Variants in TLE1 observed in about 807,000 individuals in gnomAD.
The protein encoded by TLE1 is TLE family member 1, transcriptional corepressor.
Under a neutral mutation model 89.8 loss-of-function variants are expected in TLE1, and 21 were observed. The observed-to-expected ratio is 0.23, with a 90% confidence interval of 0.17 to 0.34. The LOEUF is 0.34. Ranked by LOEUF, TLE1 falls within the 10% of genes least tolerant of loss-of-function variation. The pLI, the probability that TLE1 is intolerant of heterozygous loss-of-function variation, is 1.00. For synonymous variants in TLE1, 447 were observed against 407.6 expected (o/e 1.10, Z -1.16); for missense variants, 795 against 1,031.2 (o/e 0.77, Z 3.14).
intron 4 of TLE1, among the ~76,000 whole-genome samples, chr9:81,681,342 G>C (rs1403413240): frequency 1.3e-5 from 2 of 152,108 alleles, no homozygotes; most frequent in African/African-American, 2.4e-5. Flanking sequence ...CTTGAGGTCA[G>C]GAGTTCGAGA....
chr9:81,674,418 G>A (rs1022951660), intron 4 of TLE1, among the ~76,000 whole-genome samples: 2 of 152,150 alleles, frequency 1.3e-5, no homozygotes, highest in Admixed American at 6.5e-5. Flanking sequence ...CAGCATTGAA[G>A]GGCCTGGTTC....
intron 8 of TLE1, among the ~76,000 whole-genome samples, chr9:81,626,849 A>G (rs574123967): frequency 6.6e-6 from 1 of 152,296 alleles, no homozygotes; most frequent in Non-Finnish European, 1.5e-5. Flanking sequence ...AGGCAAAACA[A>G]AACAAACTCT....
intron 6 of TLE1, among the ~76,000 whole-genome samples, chr9:81,645,805 T>C (rs1230023698): frequency 6.6e-6 from 1 of 152,200 alleles, no homozygotes; most frequent in African/African-American, 2.4e-5. Flanking sequence ...TACCCCATTC[T>C]TTATGATGTG....
intron 8 of TLE1, among the ~76,000 whole-genome samples, chr9:81,626,803 C>T (rs1274296119): frequency 1.3e-5 from 2 of 152,146 alleles, no homozygotes; most frequent in African/African-American, 2.4e-5. Context: ...TTCGTCACCA[C>T]CCTCTCATTT....
Position 81,620,463 on chromosome 9 carries a change from T to C in TLE1, c.689A>G (p.Asp230Gly), listed in dbSNP as rs747588297. The change falls in exon 9 of 20, where the codon GAT (aspartate) becomes GGT (glycine). Residue 230 changes from aspartate (D) to glycine (G), a missense_variant. Transcript: ENST00000376499. Reference sequence around the variant, plus strand: ...TACATAGTGGCTGGAGTCCTTATCATCCACCTTCCTTTTCTTGATGTCATT... The same window carrying C: ...TACATAGTGGCTGGAGTCCTTATCACCCACCTTCCTTTTCTTGATGTCATT... Reference protein sequence around the residue: ...FSNDIKKRKVDDKDSSHYDSD... With the variant: ...FSNDIKKRKVGDKDSSHYDSD... The C allele has an allele frequency of 6.2e-7, 1 of 1,614,002 alleles. No homozygotes were observed. Among genetic ancestry groups the C allele is most frequent in the Non-Finnish European group, 8.5e-7 (1 of 1,179,950 alleles).
At chr9:81,678,143 G>T (rs912061440) in intron 4 of TLE1, among the ~76,000 whole-genome samples, 3 of 152,140 alleles carry the variant, frequency 2.0e-5, no homozygotes, top group Non-Finnish European at 4.4e-5. Flanking sequence ...CAGGGGAGGG[G>T]ATAAACAATT....
chr9:81,631,709 C>T (rs78784008), intron 8 of TLE1, among the ~76,000 whole-genome samples: 4 of 152,172 alleles, frequency 2.6e-5, no homozygotes, highest in Admixed American at 6.6e-5. Context: ...AGATTTAAAA[C>T]GCATAACAGC....
chr9:81,662,783 T>C (rs1830983065), intron 4 of TLE1, among the ~76,000 whole-genome samples: 1 of 152,114 alleles, frequency 6.6e-6, no homozygotes, highest in African/African-American at 2.4e-5. Context: ...GTAGGGCTTT[T>C]AGTGACCTTT....
Position 81,611,827 on chromosome 9 carries a change from G to T in TLE1, c.1196C>A (p.Pro399His). ...CGCGGCGGCTGCGGCGCTCATCTGG[G>T]GCGACATGTTGTGTAAACTGGCGTA... ...AAYASLHNMS[P>H]QMSAAAAAAA... is the part of the protein sequence containing the mutation. The change falls in exon 13 of 20, where the codon CCC becomes CAC. Residue 399 changes from proline to histidine, a missense_variant. Physicochemically the swap from Pro to His is moderately conservative, Grantham distance 77. Coordinates refer to ENST00000376499, the MANE Select transcript of TLE1 (RefSeq NM_005077.5). 2.6e-6 allele frequency: 4 copies of T among 1,561,072 alleles called. No homozygotes were observed. The highest frequency in any genetic ancestry group is 3.5e-6 in the Non-Finnish European group (4 of 1,158,352).
intron 8 of TLE1, among the ~76,000 whole-genome samples, chr9:81,623,987 C>A (rs1249525954): frequency 6.6e-6 from 1 of 151,822 alleles, no homozygotes; most frequent in Non-Finnish European, 1.5e-5. Context: ...TGAGGCCAAG[C>A]GGCTCTGTCC....
Position 81,647,134 on chromosome 9 carries a change from T to C in TLE1, c.372+5080A>G, listed in dbSNP as rs528547238. 2.4e-4 allele frequency among the ~76,000 whole-genome samples: 36 copies of C among 152,298 alleles called. No individual in the cohort carries two copies. The East Asian group carries it at 6.2e-3, about 26-fold the overall frequency. On this transcript the variant is annotated intron_variant, in intron 6 of 19. Transcript: ENST00000376499. ...ACTATGGGTAACTGCTCAAATTTTC[T>C]TGCACCCAACTGTCAGCTCTGAGGC...
At chr9:81,681,313 G>A (rs1757700289) in intron 4 of TLE1, among the ~76,000 whole-genome samples, 1 of 152,170 alleles carries the variant, frequency 6.6e-6, no homozygotes, top group Admixed American at 6.5e-5. Context: ...ACTTTGCGAA[G>A]CCGAGGCGGG....
intron 16 of TLE1, 80 bp from the exon 17 acceptor site, chr9:81,587,908 G>GTGTGTGTGTGTGTGTGTGTCAGCCCGCC: frequency 1.7e-6 from 1 of 601,576 alleles, no homozygotes; most frequent in Admixed American, 5.2e-5. Flanking sequence ...GTTTTGGACC[G>GTGTGTGTGTGTGTGTGTGTCAGCCCGCC]TGTGTGTGTG....
rs1384717510 is a variant in TLE1 at position 81,615,988 on chromosome 9, C to G, written c.912G>C (p.Met304Ile). 3.1e-6 allele frequency: 5 copies of G among 1,613,666 alleles called. No individual in the cohort carries two copies. The highest frequency in any genetic ancestry group is 4.2e-6 in the Non-Finnish European group (5 of 1,180,006). The change falls in exon 11 of 20, where the codon ATG becomes ATC. Residue 304 changes from methionine (M) to isoleucine (I), a missense_variant. Met to Ile is a conservative substitution (Grantham distance 10, BLOSUM62 1). Around this residue, in one of 4 missense-constraint regions of TLE1, gnomAD observed 468 missense variants for 509.1 expected, o/e 0.92. Coordinates refer to ENST00000376499, the MANE Select transcript of TLE1 (RefSeq NM_005077.5). Reference sequence around the variant, plus strand: ...GTCAGTTTTCTTTACCTACCAAGCTCATTTCTTTGGATTTCAAAGAAGTGG... The same window carrying G: ...GTCAGTTTTCTTTACCTACCAAGCTGATTTCTTTGGATTTCAAAGAAGTGG... The part of the protein sequence containing the change: ...ASSTSLKSKE[M>I]SLHEKASTPV...
intron 1 of TLE1, 152 bp from the exon 2 acceptor site, chr9:81,687,586 G>A: frequency 1.7e-6 from 1 of 603,658 alleles, no homozygotes; most frequent in South Asian, 2.0e-5. Context: ...CCTTCACTAT[G>A]GGGAGGGGGA....
intron 4 of TLE1, among the ~76,000 whole-genome samples, chr9:81,682,063 G>A (rs1291111977): frequency 6.6e-6 from 1 of 151,878 alleles, no homozygotes; most frequent in African/African-American, 2.4e-5. Context: ...CTGCGAACAT[G>A]GGTGAAACCC....
At chr9:81,644,466 G>A (rs967828972) in intron 6 of TLE1, among the ~76,000 whole-genome samples, 1 of 152,114 alleles carries the variant, frequency 6.6e-6, no homozygotes, top group African/African-American at 2.4e-5. Context: ...AGGCATACAA[G>A]GCTACATATT....
At chr9:81,652,382 G>T in intron 5 of TLE1, 94 bp from the exon 6 acceptor site, 1 of 982,642 alleles carries the variant, frequency 1.0e-6, no homozygotes, top group Non-Finnish European at 1.6e-6. Context: ...GTGCAATGCA[G>T]GCTGAAGTAG....
intron 8 of TLE1, among the ~76,000 whole-genome samples, chr9:81,621,904 C>T (rs1423133739): frequency 6.6e-6 from 1 of 152,164 alleles, no homozygotes; most frequent in Admixed American, 6.5e-5. Context: ...GTTCAAGCTA[C>T]ACAAATGCCA....
Sources: gnomAD v4.1 joint callset for allele counts (sites outside exome capture counted in the v4.1 genomes callset) on GRCh38, gnomAD v4.1.1 for gene constraint, gnomAD v4.1.1 regional missense constraint, MANE v1.5 for transcripts, NCBI Gene and HGNC (gene_info 2026-07-23, HGNC 2026-07-21) for gene names.